Variants in STXBP5L observed in about 807,000 individuals in gnomAD.
The protein encoded by STXBP5L is syntaxin binding protein 5L.
STXBP5L carries 65 observed loss-of-function variants against 144.5 expected under a neutral mutation model. The observed-to-expected ratio is 0.45, with a 90% CI of 0.37 to 0.55. The LOEUF is 0.55. STXBP5L is among the 20% of genes least tolerant of loss of function. STXBP5L has a pLI of 0.00. For synonymous variants in STXBP5L, 505 were observed against 469.6 expected, an observed-to-expected ratio of 1.08 and a Z score of -0.97; for missense variants, 1,298 against 1,405.5, an observed-to-expected ratio of 0.92 and a Z score of 1.22.
intron 3 of STXBP5L, among the ~76,000 whole-genome samples, chr3:121,001,358 G>T (rs1448593278): frequency 1.3e-5 from 2 of 152,218 alleles, no homozygotes; most frequent in Non-Finnish European, 2.9e-5. Flanking sequence ...GGGAATTCTT[G>T]CAGAAAGGGG....
At chr3:121,320,068 T>C (rs79491961) in intron 20 of STXBP5L, among the ~76,000 whole-genome samples, 18,317 of 152,234 alleles carry the variant, frequency 0.12, 1,159 homozygotes, top group Non-Finnish European at 0.14. Context: ...CACACAAACA[T>C]GCTTAGATTT....
chr3:121,179,034 G>A (rs1327326855), intron 9 of STXBP5L, among the ~76,000 whole-genome samples: 1 of 152,096 alleles, frequency 6.6e-6, no homozygotes, highest in Non-Finnish European at 1.5e-5. Flanking sequence ...ATGGGGAGGG[G>A]CATGGCCTGA....
chr3:121,359,974 AATATAATAT>A (rs1408024858), intron 20 of STXBP5L, among the ~76,000 whole-genome samples: 4 of 52,286 alleles, frequency 7.7e-5, no homozygotes, highest in Admixed American at 1.5e-4. Context: ...ATACATATAT[AATATAATAT>A]ATATAATATA....
At chr3:120,969,478 G>A (rs1198884580) in intron 3 of STXBP5L, among the ~76,000 whole-genome samples, 2 of 150,114 alleles carry the variant, frequency 1.3e-5, no homozygotes, top group African/African-American at 4.9e-5. Flanking sequence ...GATAGTTTGT[G>A]AAGATTTTCT....
intron 5 of STXBP5L, among the ~76,000 whole-genome samples, chr3:121,107,462 T>G (rs1298548905): frequency 1.3e-5 from 2 of 152,206 alleles, no homozygotes; most frequent in African/African-American, 2.4e-5. Flanking sequence ...GTGCCATATA[T>G]TAAATAGGGA....
At chr3:121,081,783 G>T (rs1408228059) in intron 5 of STXBP5L, among the ~76,000 whole-genome samples, 1 of 152,162 alleles carries the variant, frequency 6.6e-6, no homozygotes, top group Non-Finnish European at 1.5e-5. Flanking sequence ...TATTAAGTTG[G>T]CTGGGGGAGC....
chr3:121,137,255 T>A (rs1294403064), intron 7 of STXBP5L, among the ~76,000 whole-genome samples: 2 of 85,158 alleles, frequency 2.3e-5, no homozygotes, highest in East Asian at 2.2e-4. Context: ...ATAAAAAAAA[T>A]GTTGGTTTTT....
chr3:121,335,642 G>T (rs2044479425), intron 20 of STXBP5L, among the ~76,000 whole-genome samples: 3 of 151,890 alleles, frequency 2.0e-5, no homozygotes, highest in Non-Finnish European at 4.4e-5. Context: ...CCAGAAATAA[G>T]GCCACACACC....
At chr3:121,079,364 A>G (rs2042159100) in intron 5 of STXBP5L, among the ~76,000 whole-genome samples, 1 of 152,230 alleles carries the variant, frequency 6.6e-6, no homozygotes. Flanking sequence ...CACTGCAGCC[A>G]TGCAGGAACT....
chr3:121,042,074 A>G (rs568106602), intron 4 of STXBP5L, among the ~76,000 whole-genome samples: 2 of 152,210 alleles, frequency 1.3e-5, no homozygotes, highest in Admixed American at 6.6e-5. Context: ...TTCACTGGCC[A>G]TTAATTTTTT....
chr3:121,352,077 T>C (rs371145660), intron 20 of STXBP5L, among the ~76,000 whole-genome samples: 1 of 152,034 alleles, frequency 6.6e-6, no homozygotes, highest in African/African-American at 2.4e-5. Flanking sequence ...TGCTGTTTTG[T>C]TTACTGTAGC....
intron 9 of STXBP5L, among the ~76,000 whole-genome samples, chr3:121,189,341 T>A (rs1282909455): frequency 6.6e-6 from 1 of 152,230 alleles, no homozygotes; most frequent in Non-Finnish European, 1.5e-5. Context: ...CTTCTAGGGT[T>A]TTTACTGTTT....
chr3:121,053,984 G>C (rs2107603677), intron 5 of STXBP5L, among the ~76,000 whole-genome samples: 1 of 152,228 alleles, frequency 6.6e-6, no homozygotes, highest in African/African-American at 2.4e-5. Context: ...AAAGACACAT[G>C]AAAAAATGCT....
At chr3:121,300,837 A>C (rs1186056982) in intron 19 of STXBP5L, among the ~76,000 whole-genome samples, 1 of 152,200 alleles carries the variant, frequency 6.6e-6, no homozygotes, top group African/African-American at 2.4e-5. Context: ...CCAAAAAAAG[A>C]AAAAGAGCTT....
At chr3:121,152,641 A>G (rs2045971199) in intron 8 of STXBP5L, 81 bp downstream of exon 8, 1 of 1,051,064 alleles carries the variant, frequency 9.5e-7, no homozygotes, top group Non-Finnish European at 1.4e-6. Flanking sequence ...GCACTTTACC[A>G]GTATGTTTAG....
intron 20 of STXBP5L, 106 bp downstream of exon 20, chr3:121,318,646 G>A (rs2043864756): frequency 1.3e-6 from 1 of 748,534 alleles, no homozygotes; most frequent in Non-Finnish European, 2.0e-6. Context: ...TAGTAATTAG[G>A]TATAATTCCA....
At chr3:121,315,368 A>G (rs528656178) in intron 19 of STXBP5L, among the ~76,000 whole-genome samples, 284 of 152,060 alleles carry the variant, frequency 1.9e-3, no homozygotes, top group Non-Finnish European at 3.1e-3. Flanking sequence ...CATCATTCTC[A>G]GCAAACTATC....
intron 22 of STXBP5L, among the ~76,000 whole-genome samples, chr3:121,389,930 C>T (rs969563814): frequency 1.3e-5 from 2 of 152,244 alleles, no homozygotes; most frequent in Middle Eastern, 3.4e-3. Context: ...AGTTCAAGTC[C>T]TGGATATCCT....
intron 23 of STXBP5L, among the ~76,000 whole-genome samples, chr3:121,408,445 G>T (rs2108744328): frequency 6.6e-6 from 1 of 151,978 alleles, no homozygotes; most frequent in South Asian, 2.1e-4. Flanking sequence ...TCTAACTTGG[G>T]AGATAAGATA....
Sources: allele counts gnomAD v4.1 joint callset (sites outside exome capture counted in the v4.1 genomes callset), GRCh38; gene constraint gnomAD v4.1.1; transcripts MANE v1.5; gene names NCBI Gene and HGNC (gene_info 2026-07-23, HGNC 2026-07-21).